Variants in PEPD observed in about 807,000 individuals in gnomAD.
PEPD encodes the protein xaa-Pro dipeptidase.
In PEPD, 53 loss-of-function variants were observed where a neutral mutation model predicts 60.7. The observed-to-expected ratio is 0.87, with a 90% CI of 0.70 to 1.10. The LOEUF is 1.10. Ranked by LOEUF, PEPD falls within the 50% of genes least tolerant of loss-of-function variation. The pLI is 0.00. For missense variants in PEPD, 711 were observed against 711.9 expected, an observed-to-expected ratio of 1.00 and a Z score of 0.01; for synonymous variants, 267 against 284.1, an observed-to-expected ratio of 0.94 and a Z score of 0.60.
At chr19:33,402,373 A>G (rs973526286) in intron 11 of PEPD, among the ~76,000 whole-genome samples, 2 of 151,926 alleles carry the variant, frequency 1.3e-5, no homozygotes, top group African/African-American at 4.8e-5. Context: ...CTGGGCAGGG[A>G]CCCCGGATGG....
intron 9 of PEPD, among the ~76,000 whole-genome samples, chr19:33,414,264 G>A (rs1197585992): frequency 6.6e-6 from 1 of 152,180 alleles, no homozygotes; most frequent in Admixed American, 6.5e-5. Context: ...TGCTGGCTGG[G>A]CCCACTCTAC....
intron 7 of PEPD, among the ~76,000 whole-genome samples, chr19:33,476,106 T>C (rs182418938): frequency 2.6e-5 from 4 of 152,308 alleles, no homozygotes; most frequent in Admixed American, 2.6e-4. Context: ...CCTCAAGTGA[T>C]TCTCTCGTGT....
intron 12 of PEPD, among the ~76,000 whole-genome samples, chr19:33,396,507 C>G (rs7247261): frequency 0.014 from 2,115 of 152,042 alleles, 18 homozygotes; most frequent in Middle Eastern, 0.031. Context: ...ATTGGCAGCA[C>G]CCCCGTCACT....
intron 6 of PEPD, among the ~76,000 whole-genome samples, chr19:33,487,558 A>G (rs1271041596): frequency 6.6e-6 from 1 of 152,166 alleles, no homozygotes; most frequent in Non-Finnish European, 1.5e-5. Context: ...CAGCAGCCCA[A>G]GGCGTAGGTG....
At chr19:33,481,685 T>C (rs757948043) in intron 6 of PEPD, among the ~76,000 whole-genome samples, 16 of 152,114 alleles carry the variant, frequency 1.1e-4, no homozygotes, top group Non-Finnish European at 2.1e-4. Context: ...ATGAAATGAA[T>C]AGAAATTCTA....
At chr19:33,398,166 C>T (rs1181404750) in intron 12 of PEPD, among the ~76,000 whole-genome samples, 1 of 152,258 alleles carries the variant, frequency 6.6e-6, no homozygotes, top group African/African-American at 2.4e-5. Context: ...GGTGCTACCT[C>T]TGGCACCCTG....
At chr19:33,436,549 G>A (rs150582648) in intron 9 of PEPD, among the ~76,000 whole-genome samples, 205 of 152,336 alleles carry the variant, frequency 1.3e-3, no homozygotes, top group African/African-American at 4.7e-3. Context: ...CCCCTGCAGG[G>A]GCAGAGGGGC....
intron 11 of PEPD, among the ~76,000 whole-genome samples, chr19:33,402,557 G>A (rs923361644): frequency 5.9e-5 from 9 of 152,196 alleles, no homozygotes; most frequent in Non-Finnish European, 1.3e-4. Context: ...GGGATGGGAC[G>A]GACATATTCT....
intron 7 of PEPD, among the ~76,000 whole-genome samples, chr19:33,467,573 A>C (rs925095507): frequency 3.9e-5 from 6 of 152,208 alleles, no homozygotes; most frequent in Non-Finnish European, 8.8e-5. Flanking sequence ...TCACGGAGCA[A>C]GAACTAAAGG....
chr19:33,513,247 T>C (rs1970962602), intron 1 of PEPD, among the ~76,000 whole-genome samples: 1 of 151,982 alleles, frequency 6.6e-6, no homozygotes. Context: ...TGGGGCCTCT[T>C]CCCTAACTGG....
At chr19:33,440,574 C>T (rs936143188) in intron 9 of PEPD, among the ~76,000 whole-genome samples, 4 of 152,120 alleles carry the variant, frequency 2.6e-5, no homozygotes, top group Non-Finnish European at 5.9e-5. Context: ...TGTTCCCTGA[C>T]ACCCCAGAGC....
chr19:33,517,272 T>C (rs1971039710), intron 1 of PEPD, among the ~76,000 whole-genome samples: 1 of 152,142 alleles, frequency 6.6e-6, no homozygotes, highest in Non-Finnish European at 1.5e-5. Context: ...TTAAAAACAT[T>C]ATGCCAGCCA....
At chr19:33,402,283 A>C (rs1053648474) in intron 11 of PEPD, among the ~76,000 whole-genome samples, 3 of 152,202 alleles carry the variant, frequency 2.0e-5, no homozygotes, top group Non-Finnish European at 4.4e-5. Flanking sequence ...CGGCACCCCA[A>C]CAGGCTCTCC....
intron 5 of PEPD, among the ~76,000 whole-genome samples, chr19:33,490,307 A>G (rs1366374149): frequency 6.6e-6 from 1 of 152,222 alleles, no homozygotes; most frequent in Non-Finnish European, 1.5e-5. Flanking sequence ...GCTGCACAGC[A>G]AGGCCTTCTC....
At chr19:33,457,466 GC>G (rs1969824729) in intron 9 of PEPD, among the ~76,000 whole-genome samples, 1 of 152,176 alleles carries the variant, frequency 6.6e-6, no homozygotes, top group Non-Finnish European at 1.5e-5. Context: ...GAGGGGGGCT[GC>G]CCACAGACTC....
At chr19:33,407,452 A>G (rs1968656269) in intron 11 of PEPD, among the ~76,000 whole-genome samples, 1 of 151,992 alleles carries the variant, frequency 6.6e-6, no homozygotes, top group Admixed American at 6.5e-5. Flanking sequence ...CGACCAGGAG[A>G]AGCAGGGGGA....
intron 9 of PEPD, among the ~76,000 whole-genome samples, chr19:33,459,549 G>A (rs1000383249): frequency 6.6e-6 from 1 of 152,084 alleles, no homozygotes; most frequent in Non-Finnish European, 1.5e-5. Flanking sequence ...CAACACGGAC[G>A]TCTTATTGGT....
At chr19:33,417,716 G>C (rs1418602828) in intron 9 of PEPD, among the ~76,000 whole-genome samples, 1 of 152,218 alleles carries the variant, frequency 6.6e-6, no homozygotes, top group East Asian at 1.9e-4. Context: ...CTGGAGGGAG[G>C]CTGGAGAATG....
At position 33,521,725 on chromosome 19, in the gene PEPD, A is replaced by G; in HGVS notation, c.17+19T>C. On this transcript the variant is annotated intron_variant, in intron 1 of 14. Coordinates refer to ENST00000244137, the MANE Select transcript of PEPD (RefSeq NM_000285.4). The stretch of plus-strand genomic sequence containing the variant: ...CTCTCCACGCCAGCGGGAAAGAGCG[A>G]GGGAGGCGCAGCACTCACCCGGTGG... 1 of 1,579,454 alleles carries G rather than the reference A, an allele frequency of 6.3e-7. No homozygotes were observed. Among genetic ancestry groups the G allele is most frequent in the Non-Finnish European group, 8.6e-7 (1 of 1,167,808 alleles).
Sources: allele counts gnomAD v4.1 joint callset (sites outside exome capture counted in the v4.1 genomes callset), GRCh38; gene constraint gnomAD v4.1.1; transcripts MANE v1.5; gene names NCBI Gene and HGNC (gene_info 2026-07-23, HGNC 2026-07-21).